Variants in PHF11 observed in about 807,000 individuals in gnomAD.
The protein encoded by PHF11 is PHD finger protein 11, also known as BRCA1 C-terminus-associated protein.
Under a neutral mutation model 40.5 loss-of-function variants are expected in PHF11, and 38 were observed. The observed-to-expected ratio is 0.94, with a 90% confidence interval of 0.72 to 1.23. The LOEUF is 1.23. Ranked by LOEUF, PHF11 falls within the 50% of genes most tolerant of loss-of-function variation. The pLI, the probability that PHF11 is intolerant of heterozygous loss-of-function variation, is 0.00. For missense variants in PHF11, 369 were observed against 392.4 expected, an observed-to-expected ratio of 0.94 and a Z score of 0.50; for synonymous variants, 127 against 138.2, an observed-to-expected ratio of 0.92 and a Z score of 0.57.
In PHF11 at chr13:49,501,014, TTGG is replaced by T. The variant is rs1430843543; in HGVS notation, c.94+4921_94+4923del. On this transcript the variant is annotated intron_variant, in intron 1 of 9. Coordinates refer to ENST00000378319, the MANE Select transcript of PHF11 (RefSeq NM_001040443.3). ...CACCAACTTTTGTTTTTTTTTTTTT[TTGG>T]TTTTTTTTTTTCTGAAATGGAGTTT... Among the ~76,000 whole-genome samples, 154 of 97,506 alleles carry T rather than the reference TTGG, an allele frequency of 1.6e-3. 13 individuals carry two copies. The highest frequency in any genetic ancestry group is 4.8e-3 in the Middle Eastern group (1 of 210). The allele number at this position is 97,506 out of a possible 152,430, so 64.0% of individuals were successfully genotyped here.
intron 1 of PHF11, among the ~76,000 whole-genome samples, chr13:49,499,468 C>A (rs554849069): frequency 1.1e-4 from 17 of 152,208 alleles, no homozygotes; most frequent in African/African-American, 2.7e-4. Flanking sequence ...TAAAGATATT[C>A]CCAGTGATGC....
intron 7 of PHF11, 135 bp from the exon 8 acceptor site, chr13:49,523,950 A>G: frequency 2.0e-6 from 1 of 493,824 alleles, no homozygotes; most frequent in Non-Finnish European, 3.5e-6. Flanking sequence ...ATTAATAAAA[A>G]GGGTGAAGGT....
At chr13:49,501,176 G>T (rs530006156) in intron 1 of PHF11, among the ~76,000 whole-genome samples, 1 of 151,986 alleles carries the variant, frequency 6.6e-6, no homozygotes, top group South Asian at 2.1e-4. Flanking sequence ...ACCACGCCTG[G>T]CTAATTTTGT....
Position 49,502,093 on chromosome 13 carries a change from A to T in PHF11, c.95-4542A>T, listed in dbSNP as rs149207920. 5.8e-3 allele frequency among the ~76,000 whole-genome samples: 877 copies of T among 152,200 alleles called. 9 individuals carry two copies. Among genetic ancestry groups the T allele is most frequent in the African/African-American group, 0.019 (806 of 41,538 alleles). On this transcript the variant is annotated intron_variant, in intron 1 of 9. Coordinates refer to ENST00000378319, the MANE Select transcript of PHF11 (RefSeq NM_001040443.3). ...GGAGGGAGGATCACTTGAGCCTAGG[A>T]GTTCGAAACCATCCTGGACAACATG...
At chr13:49,508,694 A>G (rs1959043914) in intron 2 of PHF11, among the ~76,000 whole-genome samples, 2 of 152,118 alleles carry the variant, frequency 1.3e-5, no homozygotes, top group African/African-American at 4.8e-5. Context: ...ACCTGGATAT[A>G]TTGTATGTGG....
At position 49,528,536 on chromosome 13, in the gene PHF11, T is replaced by C; in HGVS notation, c.867T>C (p.Ser289=). The change falls in exon 10 of 10, where the codon TCT becomes TCC. Residue 289 remains serine, a synonymous_variant. Transcript: ENST00000378319. ...QAAIEKKIHA[S]QQRWQQLKEE... is the part of the protein sequence containing the mutation. The stretch of plus-strand genomic sequence containing the variant: ...CAATAGAGAAAAAAATTCATGCATC[T>C]CAACAAAGGTGGCAGCAGTTGAAGG... The C allele has an allele frequency of 6.9e-6, 11 of 1,605,194 alleles. No individual in the cohort carries two copies. The highest frequency in any genetic ancestry group is 8.5e-6 in the Non-Finnish European group (10 of 1,176,958).
intron 1 of PHF11, among the ~76,000 whole-genome samples, chr13:49,500,745 A>G (rs745804774): frequency 2.8e-4 from 42 of 152,194 alleles, no homozygotes; most frequent in Non-Finnish European, 8.8e-5. Flanking sequence ...TTGTCAGCAT[A>G]TCTGTCTTGT....
chr13:49,497,625 C>T (rs937256780), intron 1 of PHF11, among the ~76,000 whole-genome samples: 1 of 152,224 alleles, frequency 6.6e-6, no homozygotes. Flanking sequence ...TACAGGCAGG[C>T]CTGCAGAGCG....
chr13:49,528,216 T>C (rs1959396205), intron 9 of PHF11, among the ~76,000 whole-genome samples: 1 of 152,202 alleles, frequency 6.6e-6, no homozygotes, highest in South Asian at 2.1e-4. Flanking sequence ...ACAGTCACTG[T>C]TTTCAAGTTC....
chr13:49,512,669 GA>G (rs2139052520), intron 2 of PHF11, among the ~76,000 whole-genome samples: 2 of 152,284 alleles, frequency 1.3e-5, no homozygotes, highest in South Asian at 4.1e-4. Context: ...AAGCCATTGG[GA>G]ACCTAGAATG....
intron 3 of PHF11, among the ~76,000 whole-genome samples, chr13:49,513,681 T>C (rs1292906758): frequency 6.6e-6 from 1 of 152,192 alleles, no homozygotes; most frequent in East Asian, 1.9e-4. Context: ...AGTAAAGTGA[T>C]CTGAGTTAGA....
chr13:49,501,999 A>C (rs1396227447), intron 1 of PHF11, among the ~76,000 whole-genome samples: 3 of 151,872 alleles, frequency 2.0e-5, no homozygotes, highest in African/African-American at 7.3e-5. Flanking sequence ...CCAATATTTT[A>C]ATTCTAAAAT....
intron 3 of PHF11, among the ~76,000 whole-genome samples, chr13:49,515,804 T>C (rs763325433): frequency 2.6e-5 from 4 of 152,170 alleles, no homozygotes; most frequent in Admixed American, 6.5e-5. Flanking sequence ...GCCTGAGTGA[T>C]CTTTCAATAA....
intron 3 of PHF11, among the ~76,000 whole-genome samples, chr13:49,516,620 C>A (rs1959158569): frequency 6.6e-6 from 1 of 151,588 alleles, no homozygotes; most frequent in South Asian, 2.1e-4. Context: ...GAAACAGATT[C>A]TCCGTCTGTC....
At chr13:49,503,542 G>A (rs572435461) in intron 1 of PHF11, among the ~76,000 whole-genome samples, 85 of 152,236 alleles carry the variant, frequency 5.6e-4, no homozygotes, top group Middle Eastern at 3.4e-3. Flanking sequence ...TGTTGAGCAC[G>A]TACAATGTGA....
At chr13:49,524,320 A>T (rs1959213354) in intron 8 of PHF11, 104 bp downstream of exon 8, 2 of 911,398 alleles carry the variant, frequency 2.2e-6, no homozygotes, top group Admixed American at 2.6e-5. Flanking sequence ...TTCTTCCTAT[A>T]CTACTTTTTT....
intron 3 of PHF11, among the ~76,000 whole-genome samples, 164 bp downstream of exon 3, chr13:49,513,330 T>A (rs1198334041): frequency 2.6e-5 from 1 of 38,342 alleles, no homozygotes; most frequent in Non-Finnish European, 6.6e-5. Context: ...AACATTTAAT[T>A]TTTTTTTTTT....
At chr13:49,508,586 A>C (rs1402386693) in intron 2 of PHF11, among the ~76,000 whole-genome samples, 1 of 151,600 alleles carries the variant, frequency 6.6e-6, no homozygotes, top group Non-Finnish European at 1.5e-5. Flanking sequence ...TTTTAAATGA[A>C]CTATTATCAG....
chr13:49,526,042 G>A (rs1594225973), intron 8 of PHF11: 15 of 330,226 alleles, frequency 4.5e-5, no homozygotes, highest in South Asian at 2.9e-4. Context: ...GGCGGTGCGC[G>A]CCTGCAATCC....
Sources: allele counts gnomAD v4.1 joint callset (sites outside exome capture counted in the v4.1 genomes callset), GRCh38; gene constraint gnomAD v4.1.1; transcripts MANE v1.5; gene names NCBI Gene and HGNC (gene_info 2026-07-23, HGNC 2026-07-21).